Variants in ZNF506 observed in about 807,000 individuals in gnomAD.
The protein encoded by ZNF506 is zinc finger protein 506.
In ZNF506, 10 loss-of-function variants were observed where a neutral mutation model predicts 11.6. The ratio of observed to expected loss-of-function variants is 0.86; its 90% CI spans 0.53 to 1.46. The LOEUF is 1.46. ZNF506 is among the 40% of genes most tolerant of loss of function. The pLI is 0.00. For synonymous variants in ZNF506, 156 were observed against 173.3 expected, an observed-to-expected ratio of 0.90 and a Z score of 0.78; for missense variants, 425 against 521.2, an observed-to-expected ratio of 0.82 and a Z score of 1.80.
chr19:19,803,872 T>C (rs1360728035), intron 3 of ZNF506, among the ~76,000 whole-genome samples: 1 of 152,028 alleles, frequency 6.6e-6, no homozygotes, highest in Non-Finnish European at 1.5e-5. Context: ...AATATATAAA[T>C]CCATTGAAAT....
intron 2 of ZNF506, among the ~76,000 whole-genome samples, chr19:19,806,683 T>C (rs1310882159): frequency 6.8e-6 from 1 of 146,290 alleles, no homozygotes; most frequent in Non-Finnish European, 1.5e-5. Context: ...CAACAATATT[T>C]TATGCCACTA....
intron 1 of ZNF506, 136 bp downstream of exon 1, chr19:19,821,465 T>G: frequency 1.7e-6 from 2 of 1,189,110 alleles, no homozygotes; most frequent in East Asian, 2.4e-5. Context: ...AGCTGGGCAA[T>G]GAGAACTTGG....
At chr19:19,804,103 A>C (rs1449350594) in intron 3 of ZNF506, among the ~76,000 whole-genome samples, 1 of 152,228 alleles carries the variant, frequency 6.6e-6, no homozygotes, top group Non-Finnish European at 1.5e-5. Context: ...ATAAAACTAA[A>C]GAGCTTCTGC....
chr19:19,804,169 T>A, intron 3 of ZNF506, among the ~76,000 whole-genome samples: 1 of 151,654 alleles, frequency 6.6e-6, no homozygotes, highest in African/African-American at 2.4e-5. Context: ...TGGGAGAAAA[T>A]TTTTGCAATC....
chr19:19,811,416 T>C (rs1307810131), intron 1 of ZNF506, among the ~76,000 whole-genome samples: 2 of 152,194 alleles, frequency 1.3e-5, no homozygotes, highest in Non-Finnish European at 2.9e-5. Flanking sequence ...CCTTGACCTC[T>C]CAAGTGCTGG....
intron 1 of ZNF506, 69 bp downstream of exon 1, chr19:19,821,532 A>ACAGCCC (rs1307308525): frequency 1.9e-6 from 3 of 1,609,476 alleles, no homozygotes; most frequent in Non-Finnish European, 2.6e-6. Context: ...TGCCACAGCC[A>ACAGCCC]CAGCCACTTC....
chr19:19,814,467 T>A (rs912186474), intron 1 of ZNF506, among the ~76,000 whole-genome samples: 2 of 141,146 alleles, frequency 1.4e-5, no homozygotes, highest in African/African-American at 5.1e-5. Flanking sequence ...TGCATGTTAT[T>A]ATTTATAAGT....
At chr19:19,803,539 T>C (rs1310416675) in intron 3 of ZNF506, among the ~76,000 whole-genome samples, 1 of 152,180 alleles carries the variant, frequency 6.6e-6, no homozygotes, top group Admixed American at 6.5e-5. Flanking sequence ...CTGAAGGATA[T>C]GCAGTCTGTC....
chr19:19,801,178 A>C (rs996579293), intron 3 of ZNF506, among the ~76,000 whole-genome samples: 4 of 151,978 alleles, frequency 2.6e-5, no homozygotes, highest in African/African-American at 9.7e-5. Flanking sequence ...ATAAAAAAAG[A>C]AAAGAAAACA....
At chr19:19,810,561 T>A (rs538946607) in intron 1 of ZNF506, among the ~76,000 whole-genome samples, 57 of 152,222 alleles carry the variant, frequency 3.7e-4, no homozygotes, top group African/African-American at 8.2e-4. Context: ...AAAATTTTTT[T>A]AAAAATTGTA....
intron 3 of ZNF506, chr19:19,796,102 T>C (rs1449123993): frequency 5.3e-6 from 1 of 188,146 alleles, no homozygotes; most frequent in East Asian, 1.3e-4. Flanking sequence ...GCAAAGATGG[T>C]GAAACCCCGT....
chr19:19,816,644 C>T (rs1215990245), intron 1 of ZNF506, among the ~76,000 whole-genome samples: 1 of 152,066 alleles, frequency 6.6e-6, no homozygotes, highest in African/African-American at 2.4e-5. Context: ...AGGCTTGAGC[C>T]ACTGCGCCTG....
rs980793149 is a variant in ZNF506 at position 19,821,690 on chromosome 19, G to C, written c.-87C>G. 2.6e-6 allele frequency: 4 copies of C among 1,535,016 alleles called. No individual in the cohort carries two copies. The highest frequency in any genetic ancestry group is 2.2e-5 in the South Asian group (2 of 89,430). ...AGGGCCACAGAGGCTGGGCCTCTAG[G>C]AGCTGACGGCACAGAGCAGTGAAGA... is the stretch of plus-strand genomic sequence containing the variant. On this transcript the variant is annotated 5_prime_UTR_variant, in exon 1 of 4. Coordinates refer to ENST00000540806, the MANE Select transcript of ZNF506 (RefSeq NM_001099269.3).
intron 3 of ZNF506, among the ~76,000 whole-genome samples, chr19:19,804,646 C>A (rs138721603): frequency 6.6e-6 from 1 of 152,090 alleles, no homozygotes; most frequent in South Asian, 2.1e-4. Context: ...ATGTTTATTG[C>A]GGCACTACTC....
chr19:19,815,204 G>A (rs1389215254), intron 1 of ZNF506, among the ~76,000 whole-genome samples: 1 of 152,232 alleles, frequency 6.6e-6, no homozygotes, highest in Non-Finnish European at 1.5e-5. Flanking sequence ...AGCCTGCAGT[G>A]AGCCGAGATC....
chr19:19,813,000 C>G (rs1269741721), intron 1 of ZNF506, among the ~76,000 whole-genome samples: 13 of 152,208 alleles, frequency 8.5e-5, no homozygotes, highest in Admixed American at 8.5e-4. Context: ...TTAAATACAT[C>G]TGACAACTTC....
Position 19,793,034 on chromosome 19 carries a change from C to T in ZNF506, c.*1518G>A, listed in dbSNP as rs2062706606. Among the ~76,000 whole-genome samples, 1 of 152,174 alleles carries T rather than the reference C, an allele frequency of 6.6e-6. No individual in the cohort carries two copies. The highest frequency in any genetic ancestry group is 1.9e-4 in the East Asian group (1 of 5,202). On this transcript the variant is annotated 3_prime_UTR_variant, in exon 4 of 4. Coordinates refer to ENST00000540806, the MANE Select transcript of ZNF506 (RefSeq NM_001099269.3). ...TCCCTGATGCAGCAACAATTGATCA[C>T]ATGCTTTCACATGTGACCACAATAG...
chr19:19,816,579 C>T (rs1457604558), intron 1 of ZNF506, among the ~76,000 whole-genome samples: 1 of 152,006 alleles, frequency 6.6e-6, no homozygotes, highest in Non-Finnish European at 1.5e-5. Context: ...AGGATGGTCT[C>T]GATCTCCTGA....
intron 3 of ZNF506, chr19:19,797,957 A>G (rs2145174539): frequency 6.6e-6 from 1 of 152,352 alleles, no homozygotes; most frequent in South Asian, 2.1e-4. Flanking sequence ...GAGAAAGTAT[A>G]TTGGCACTGC....
Sources: allele counts gnomAD v4.1 joint callset (sites outside exome capture counted in the v4.1 genomes callset), GRCh38; gene constraint gnomAD v4.1.1; transcripts MANE v1.5; gene names NCBI Gene and HGNC (gene_info 2026-07-23, HGNC 2026-07-21).